The following SLA variants were observed in gnomAD, a reference collection of about 807,000 sequenced individuals.
SLA encodes the protein src-like-adapter.
A neutral mutation model predicts 30.3 loss-of-function variants in SLA; 16 were observed. That is an observed-to-expected ratio of 0.53 (90% CI 0.36 to 0.80). The LOEUF (loss-of-function observed/expected upper bound fraction) is 0.80, where lower values mean the gene tolerates loss of function less well. Among genes scored for constraint, SLA ranks in the 30% least tolerant of loss-of-function variants. The probability of loss-of-function intolerance (pLI) is 0.01; values close to 1 mark genes in which losing one functional copy is unlikely to be tolerated. For synonymous variants in SLA, 143 were observed against 137.8 expected, an observed-to-expected ratio of 1.04 and a Z score of -0.26; for missense variants, 310 against 345.2, an observed-to-expected ratio of 0.90 and a Z score of 0.81.
chr8:133,068,108 A>C (rs1843379183), intron 2 of SLA, among the ~76,000 whole-genome samples: 1 of 152,216 alleles, frequency 6.6e-6, no homozygotes, highest in Non-Finnish European at 1.5e-5. Flanking sequence ...GCATCACTTG[A>C]AAAGTAGCAA....
intron 1 of SLA, among the ~76,000 whole-genome samples, chr8:133,100,857 A>G (rs1014548721): frequency 2.0e-5 from 3 of 152,222 alleles, no homozygotes; most frequent in Admixed American, 6.5e-5. Context: ...TAAAATTTCA[A>G]TAGCCTTAGG....
intron 1 of SLA, among the ~76,000 whole-genome samples, chr8:133,086,619 G>T (rs1265125466): frequency 1.3e-5 from 2 of 152,148 alleles, no homozygotes; most frequent in Non-Finnish European, 2.9e-5. Context: ...TATGTGAATA[G>T]ATTTAGTTAT....
intron 1 of SLA, among the ~76,000 whole-genome samples, chr8:133,089,333 A>T (rs1847130799): frequency 6.6e-6 from 1 of 152,182 alleles, no homozygotes; most frequent in Admixed American, 6.5e-5. Context: ...AGAAGCTCAC[A>T]TTCAGGAGGT....
At chr8:133,045,140 G>T (rs1564110344) in intron 6 of SLA, 25 bp from the exon 7 acceptor site, 1 of 1,613,360 alleles carries the variant, frequency 6.2e-7, no homozygotes, top group Admixed American at 1.7e-5. Context: ...GGATAAGTCA[G>T]TGGGCTCCAC....
Position 133,048,729 on chromosome 8 carries a change from G to A in SLA, c.249-796C>T, listed in dbSNP as rs540099160. The A allele has an allele frequency of 3.1e-5, 5 of 158,866 alleles. No homozygotes were observed. The South Asian group carries it at 7.0e-4, about 22-fold the overall frequency. The allele number at this position is 158,866 out of a possible 1,614,324, so 9.8% of individuals were successfully genotyped here. On this transcript the variant is annotated intron_variant, in intron 5 of 8. Coordinates refer to ENST00000338087, the MANE Select transcript of SLA (RefSeq NM_001045556.3). ...CAAGCAGCTGATGTAGGAGAGTCAC[G>A]TGACTCCCATCTCTTTCAGAACGTG...
chr8:133,080,461 A>G (rs965495487), intron 1 of SLA, among the ~76,000 whole-genome samples: 1 of 151,942 alleles, frequency 6.6e-6, no homozygotes, highest in Non-Finnish European at 1.5e-5. Context: ...CTAGCCTCCC[A>G]TTGGGTCTTC....
intron 1 of SLA, among the ~76,000 whole-genome samples, chr8:133,085,278 G>T (rs17703282): frequency 0.26 from 38,904 of 152,060 alleles, 5,175 homozygotes; most frequent in South Asian, 0.3. Flanking sequence ...GGCAGAACTC[G>T]TGGACCTTGC....
chr8:133,052,098 A>G (rs1243017483), intron 3 of SLA, among the ~76,000 whole-genome samples: 1 of 152,056 alleles, frequency 6.6e-6, no homozygotes, highest in African/African-American at 2.4e-5. Flanking sequence ...GGCCCAAACA[A>G]GCCACTTTCT....
At chr8:133,059,974 G>T in intron 3 of SLA, 126 bp downstream of exon 3, 3 of 935,876 alleles carry the variant, frequency 3.2e-6, no homozygotes, top group Non-Finnish European at 4.7e-6. Context: ...TAGAGAGACA[G>T]ATATAATGAG....
chr8:133,051,012 T>G, intron 3 of SLA, 97 bp from the exon 4 acceptor site: 4 of 685,992 alleles, frequency 5.8e-6, no homozygotes, highest in East Asian at 5.3e-5. Flanking sequence ...AGATGAGATT[T>G]TCCAGCAGGA....
chr8:133,088,166 C>T (rs755008599), intron 1 of SLA, among the ~76,000 whole-genome samples: 4 of 152,206 alleles, frequency 2.6e-5, no homozygotes, highest in Non-Finnish European at 5.9e-5. Context: ...TCTCCCTTGT[C>T]TCACAAGGCC....
intron 1 of SLA, among the ~76,000 whole-genome samples, chr8:133,079,015 G>A (rs1164990137): frequency 1.3e-5 from 2 of 152,188 alleles, no homozygotes; most frequent in Non-Finnish European, 2.9e-5. Context: ...GAACTTCATG[G>A]CACTGAGGCA....
Position 133,094,790 on chromosome 8 carries a change from G to A in SLA, c.-319+7763C>T, listed in dbSNP as rs557080151. 1.3e-4 allele frequency: 75 copies of A among 567,696 alleles called. No individual in the cohort carries two copies. The East Asian group carries it at 2.3e-3, about 17-fold the overall frequency. 35.2% of individuals were successfully genotyped at this position (567,696 alleles called of 1,614,324 possible). A position where few individuals can be genotyped will look rare whatever the true frequency, so the allele number is the denominator to read the frequency against. On this transcript the variant is annotated intron_variant, in intron 1 of 8. Coordinates refer to ENST00000338087, the MANE Select transcript of SLA (RefSeq NM_001045556.3). ...ATTCATCTGCACAGCCAAGACTGAA[G>A]GTTCCCTTGTGCAGCACCCTCACTT...
In SLA at chr8:133,047,827, C is replaced by T. The variant is rs968951879; in HGVS notation, c.352+3G>A. 6.5e-6 allele frequency: 10 copies of T among 1,531,276 alleles called. No individual in the cohort carries two copies. The East Asian group carries it at 2.2e-4, about 34-fold the overall frequency. 94.9% of individuals were successfully genotyped at this position (1,531,276 alleles called of 1,614,324 possible). On this transcript the variant is annotated splice_donor_region_variant and intron_variant, in intron 6 of 8. Transcript: ENST00000338087. The stretch of plus-strand genomic sequence containing the variant: ...GGGGAAAGATGAGTTGGGGGCCACT[C>T]ACCTTTCTTGGTCTCACTCTCTCTG...
intron 1 of SLA, among the ~76,000 whole-genome samples, chr8:133,080,710 C>T (rs1195732680): frequency 6.6e-6 from 1 of 152,218 alleles, no homozygotes; most frequent in African/African-American, 2.4e-5. Flanking sequence ...GCCTCCATGC[C>T]CCACTCACCA....
At chr8:133,098,409 A>G (rs1045804446) in intron 1 of SLA, among the ~76,000 whole-genome samples, 7 of 152,224 alleles carry the variant, frequency 4.6e-5, no homozygotes, top group African/African-American at 1.7e-4. Context: ...GCCCCTAAAC[A>G]CTGTCCGCCC....
intron 1 of SLA, among the ~76,000 whole-genome samples, chr8:133,080,013 G>A (rs187042514): frequency 5.9e-5 from 9 of 152,138 alleles, no homozygotes; most frequent in Admixed American, 3.9e-4. Context: ...AATGTGTTAG[G>A]CATTTCTCTG....
chr8:133,069,538 A>G (rs572982915), intron 2 of SLA, among the ~76,000 whole-genome samples: 40 of 152,262 alleles, frequency 2.6e-4, no homozygotes, highest in African/African-American at 8.4e-4. Flanking sequence ...AGGAAAGCCA[A>G]TTGCCTTAGG....
chr8:133,039,452 G>C (rs920768717), intron 8 of SLA, among the ~76,000 whole-genome samples: 61 of 152,170 alleles, frequency 4.0e-4, no homozygotes, highest in African/African-American at 1.4e-3. Context: ...TTGCCAATGG[G>C]ATGTCTGGAT....
Sources: gnomAD v4.1 joint callset for allele counts (sites outside exome capture counted in the v4.1 genomes callset) on GRCh38, gnomAD v4.1.1 for gene constraint, MANE v1.5 for transcripts, NCBI Gene and HGNC (gene_info 2026-07-23, HGNC 2026-07-21) for gene names.